The following MDGA2 variants were observed in gnomAD, a reference collection of about 807,000 sequenced individuals.
MDGA2 encodes the protein MAM domain containing glycosylphosphatidylinositol anchor 2.
In MDGA2, 40 loss-of-function variants were observed where a neutral mutation model predicts 117.8. The observed-to-expected ratio is 0.34, with a 90% confidence interval of 0.26 to 0.44. MDGA2 has a LOEUF of 0.44. MDGA2 is among the 20% of genes least tolerant of loss of function. The probability of loss-of-function intolerance (pLI) is 1.00; values close to 1 mark genes in which losing one functional copy is unlikely to be tolerated. For synonymous variants in MDGA2, 452 were observed against 439.0 expected, an observed-to-expected ratio of 1.03 and a Z score of -0.37; for missense variants, 1,123 against 1,250.6, an observed-to-expected ratio of 0.90 and a Z score of 1.54.
chr14:47,299,807 A>T (rs1889213767), intron 2 of MDGA2, among the ~76,000 whole-genome samples: 1 of 152,022 alleles, frequency 6.6e-6, no homozygotes, highest in Non-Finnish European at 1.5e-5. Flanking sequence ...CCTGGCTCAA[A>T]TTGTGTTTCT....
At chr14:47,296,033 A>G (rs1350035128) in intron 2 of MDGA2, among the ~76,000 whole-genome samples, 1 of 152,188 alleles carries the variant, frequency 6.6e-6, no homozygotes, top group Non-Finnish European at 1.5e-5. Flanking sequence ...AATAACAGTA[A>G]GGTGCAGACT....
intron 2 of MDGA2, among the ~76,000 whole-genome samples, chr14:47,295,566 T>C (rs952895106): frequency 2.6e-5 from 4 of 152,122 alleles, no homozygotes; most frequent in Admixed American, 2.6e-4. Context: ...TGAGGAAATA[T>C]TTTAAAACAA....
At chr14:47,555,856 T>C (rs1895672191) in intron 1 of MDGA2, among the ~76,000 whole-genome samples, 1 of 152,176 alleles carries the variant, frequency 6.6e-6, no homozygotes, top group Admixed American at 6.5e-5. Flanking sequence ...TTCCTTTCCA[T>C]GTAAGCCCTG....
chr14:46,874,467 A>G (rs1345181249), intron 12 of MDGA2, among the ~76,000 whole-genome samples: 1 of 151,920 alleles, frequency 6.6e-6, no homozygotes. Flanking sequence ...CAGATAACTG[A>G]AATTAAAGAA....
chr14:47,280,081 G>C (rs1425547551), intron 2 of MDGA2, among the ~76,000 whole-genome samples: 2 of 151,554 alleles, frequency 1.3e-5, no homozygotes, highest in Non-Finnish European at 2.9e-5. Context: ...CTGGGAGGCC[G>C]AGGTGGGCAG....
At chr14:47,608,452 T>C (rs1469777737) in intron 1 of MDGA2, among the ~76,000 whole-genome samples, 2 of 152,080 alleles carry the variant, frequency 1.3e-5, no homozygotes, top group African/African-American at 4.8e-5. Flanking sequence ...GTGAGGCTCG[T>C]AGGGAAGAAC....
intron 1 of MDGA2, among the ~76,000 whole-genome samples, chr14:47,672,239 T>C (rs1005452746): frequency 1.3e-5 from 2 of 152,240 alleles, no homozygotes; most frequent in Non-Finnish European, 2.9e-5. Flanking sequence ...TACTGATTAA[T>C]ATTTTTCACA....
At chr14:47,285,371 C>T (rs1435290595) in intron 2 of MDGA2, among the ~76,000 whole-genome samples, 3 of 152,042 alleles carry the variant, frequency 2.0e-5, no homozygotes, top group African/African-American at 7.2e-5. Context: ...TTCATCATCT[C>T]TGTATTATTA....
At chr14:47,646,632 G>A (rs1249203834) in intron 1 of MDGA2, among the ~76,000 whole-genome samples, 2 of 152,168 alleles carry the variant, frequency 1.3e-5, no homozygotes, top group African/African-American at 4.8e-5. Flanking sequence ...GTGTGCAGCT[G>A]AGAATGCATA....
chr14:47,342,261 TA>T, intron 1 of MDGA2, among the ~76,000 whole-genome samples: 1 of 24,360 alleles, frequency 4.1e-5, no homozygotes, highest in Admixed American at 9.6e-4. Context: ...AATGTTTATA[TA>T]TATATATATA....
chr14:47,125,921 G>A (rs1294166353), intron 5 of MDGA2, among the ~76,000 whole-genome samples: 1 of 151,926 alleles, frequency 6.6e-6, no homozygotes, highest in Non-Finnish European at 1.5e-5. Context: ...GAGACATCAA[G>A]TCATAAGTGC....
chr14:47,221,855 A>C (rs1886315934), intron 2 of MDGA2, among the ~76,000 whole-genome samples: 3 of 151,898 alleles, frequency 2.0e-5, no homozygotes, highest in African/African-American at 7.2e-5. Context: ...GTGTGTATAT[A>C]TATTTGGGGT....
chr14:47,358,900 C>T (rs1278821303), intron 1 of MDGA2, among the ~76,000 whole-genome samples: 1 of 152,130 alleles, frequency 6.6e-6, no homozygotes, highest in Non-Finnish European at 1.5e-5. Context: ...AAGTGGTATA[C>T]AGATTCAGTG....
In MDGA2 at chr14:46,924,276, C is replaced by T. The variant is rs569090309; in HGVS notation, c.2090-4116G>A. Among the ~76,000 whole-genome samples the T allele has an allele frequency of 6.4e-4, 97 of 151,770 alleles. 1 individual carries two copies. The highest frequency in any genetic ancestry group is 1.3e-3 in the Non-Finnish European group (89 of 67,926). On this transcript the variant is annotated intron_variant, in intron 9 of 16. Coordinates refer to ENST00000399232, the MANE Select transcript of MDGA2 (RefSeq NM_001113498.3). ...GCAAAATGGTTTTGAAAAATGATTACATTGAGATTGCAAAATATAATTTTA... is the reference window on the plus strand; with the variant it reads ...GCAAAATGGTTTTGAAAAATGATTATATTGAGATTGCAAAATATAATTTTA...
chr14:47,665,603 C>T (rs921681612), intron 1 of MDGA2, among the ~76,000 whole-genome samples: 1 of 152,158 alleles, frequency 6.6e-6, no homozygotes, highest in African/African-American at 2.4e-5. Flanking sequence ...TGGGCGTGGG[C>T]TTGGCGGCCC....
In MDGA2 at chr14:47,242,628, T is replaced by C. The variant is rs976426408; in HGVS notation, c.421-24433A>G. Among the ~76,000 whole-genome samples, 67 of 151,866 alleles carry C rather than the reference T, an allele frequency of 4.4e-4. 1 individual carries two copies. Among genetic ancestry groups the C allele is most frequent in the African/African-American group, 7.0e-4 (29 of 41,504 alleles). ...GGTGTACTGAGTCCCCCAGCAGTGC[T>C]GGCCCACCAGCGCTGCGCTCGATTT... On this transcript the variant is annotated intron_variant, in intron 2 of 16. Transcript: ENST00000399232.
intron 1 of MDGA2, among the ~76,000 whole-genome samples, chr14:47,426,463 G>C (rs565482693): frequency 6.6e-6 from 1 of 151,636 alleles, no homozygotes; most frequent in South Asian, 2.1e-4. Flanking sequence ...AAGATGATCT[G>C]GGTATAACTG....
chr14:47,240,728 A>T (rs1887012486), intron 2 of MDGA2, among the ~76,000 whole-genome samples: 1 of 151,938 alleles, frequency 6.6e-6, no homozygotes, highest in South Asian at 2.1e-4. Flanking sequence ...TTTTAGCAAA[A>T]AATACATTAC....
chr14:46,929,121 T>A (rs1884439082), intron 9 of MDGA2, among the ~76,000 whole-genome samples: 1 of 152,176 alleles, frequency 6.6e-6, no homozygotes, highest in African/African-American at 2.4e-5. Context: ...ACTAGGTTCT[T>A]ATCTGAGAGT....
Sources: gnomAD v4.1 joint callset for allele counts (sites outside exome capture counted in the v4.1 genomes callset) on GRCh38, gnomAD v4.1.1 for gene constraint, MANE v1.5 for transcripts, NCBI Gene and HGNC (gene_info 2026-07-23, HGNC 2026-07-21) for gene names.